IL1RAPL1: variants seen among roughly 807,000 people sequenced by gnomAD.
IL1RAPL1 encodes interleukin 1 receptor accessory protein like 1.
In IL1RAPL1, 3 loss-of-function variants were observed where a neutral mutation model predicts 48.4. The ratio of observed to expected loss-of-function variants is 0.06; its 90% CI spans 0.03 to 0.16. IL1RAPL1 has a LOEUF of 0.16. Among genes scored for constraint, IL1RAPL1 ranks in the 10% least tolerant of loss-of-function variants. The pLI is 1.00. For synonymous variants in IL1RAPL1, 185 were observed against 187.7 expected (o/e 0.99, Z 0.12); for missense variants, 349 against 530.6 (o/e 0.66, Z 3.36).
At chrX:28,763,610 A>G (rs1936201139) in intron 1 of IL1RAPL1, among the ~76,000 whole-genome samples, 1 of 111,244 alleles carries the variant, frequency 9.0e-6, no homozygotes, top group African/African-American at 3.3e-5. Context: ...AACTAGTTGA[A>G]TAGCTCAGCC....
Position 29,917,453 on chromosome X carries a change from T to C in IL1RAPL1, c.779-11T>C, listed in dbSNP as rs748396756. On this transcript the variant is annotated splice_polypyrimidine_tract_variant and intron_variant, in intron 6 of 10. Coordinates refer to ENST00000378993, the MANE Select transcript of IL1RAPL1 (RefSeq NM_014271.4). Reference sequence around the variant, plus strand: ...AGTTTTATAACACTTTTCCATCACTTCTCTCTGCAGGTGACTCTGCTAATC... The same window carrying C: ...AGTTTTATAACACTTTTCCATCACTCCTCTCTGCAGGTGACTCTGCTAATC... The C allele has an allele frequency of 1.7e-6, 2 of 1,207,916 alleles. No homozygotes were observed. The highest frequency in any genetic ancestry group is 5.9e-5 in the East Asian group (2 of 33,770).
chrX:29,221,837 C>T (rs1334203413), intron 2 of IL1RAPL1, among the ~76,000 whole-genome samples: 2 of 109,454 alleles, frequency 1.8e-5, no homozygotes, highest in East Asian at 5.8e-4. Flanking sequence ...ATGGTGAAAT[C>T]CCATCTCTAC....
At chrX:29,106,525 G>A (rs1471176122) in intron 2 of IL1RAPL1, among the ~76,000 whole-genome samples, 1 of 111,535 alleles carries the variant, frequency 9.0e-6, no homozygotes, top group Non-Finnish European at 1.9e-5. Flanking sequence ...TTCTTGACTT[G>A]TGAGAAAAAT....
intron 6 of IL1RAPL1, among the ~76,000 whole-genome samples, chrX:29,860,747 T>G (rs1276637954): frequency 8.9e-6 from 1 of 112,325 alleles, no homozygotes; most frequent in African/African-American, 3.2e-5. Context: ...ATTTTCTTTA[T>G]CCAGTCTATC....
chrX:29,658,927 T>C (rs1156384635), intron 5 of IL1RAPL1, among the ~76,000 whole-genome samples: 2 of 112,347 alleles, frequency 1.8e-5, no homozygotes, highest in Non-Finnish European at 3.8e-5. Context: ...ATTCCTTCTA[T>C]CTAACTATAT....
At chrX:29,434,438 C>T (rs1009071414) in intron 5 of IL1RAPL1, among the ~76,000 whole-genome samples, 4 of 110,456 alleles carry the variant, frequency 3.6e-5, no homozygotes, top group African/African-American at 1.3e-4. Flanking sequence ...TCATTGCTCT[C>T]GTTCCAGTTA....
intron 6 of IL1RAPL1, among the ~76,000 whole-genome samples, chrX:29,886,170 G>C (rs904810959): frequency 8.9e-6 from 1 of 112,178 alleles, no homozygotes; most frequent in Non-Finnish European, 1.9e-5. Context: ...GTTAAGGTCA[G>C]TCGTAGATTT....
chrX:28,738,132 T>C (rs1314245274), intron 1 of IL1RAPL1, among the ~76,000 whole-genome samples: 3 of 110,977 alleles, frequency 2.7e-5, no homozygotes, highest in African/African-American at 9.9e-5. Flanking sequence ...TTTCTTTGCA[T>C]GTTTCCAAAT....
At chrX:29,779,529 T>C (rs1005667256) in intron 6 of IL1RAPL1, among the ~76,000 whole-genome samples, 7 of 111,067 alleles carry the variant, frequency 6.3e-5, no homozygotes, top group Non-Finnish European at 7.6e-5. Flanking sequence ...AAATAACCTG[T>C]ACACCCAACT....
At chrX:29,833,244 T>C (rs1371903228) in intron 6 of IL1RAPL1, among the ~76,000 whole-genome samples, 3 of 111,880 alleles carry the variant, frequency 2.7e-5, no homozygotes, top group Non-Finnish European at 5.6e-5. Flanking sequence ...CACATGCATG[T>C]ATGTAGTAGG....
intron 5 of IL1RAPL1, among the ~76,000 whole-genome samples, chrX:29,625,418 C>T (rs960037546): frequency 9.0e-6 from 1 of 111,675 alleles, no homozygotes; most frequent in Non-Finnish European, 1.9e-5. Flanking sequence ...AAAAATTATA[C>T]AATAACTTAA....
chrX:29,455,379 G>A (rs1229648547), intron 5 of IL1RAPL1, among the ~76,000 whole-genome samples: 1 of 111,917 alleles, frequency 8.9e-6, no homozygotes, highest in African/African-American at 3.2e-5. Context: ...TAAGCTTTAA[G>A]TGGTACTTGA....
intron 5 of IL1RAPL1, among the ~76,000 whole-genome samples, chrX:29,458,059 G>A (rs1196957911): frequency 8.9e-6 from 1 of 112,169 alleles, no homozygotes; most frequent in Non-Finnish European, 1.9e-5. Context: ...GGGATTACAG[G>A]CGTGAGCCAC....
intron 5 of IL1RAPL1, chrX:29,574,158 T>C (rs1922693787): frequency 9.1e-6 from 1 of 109,552 alleles, no homozygotes; most frequent in South Asian, 4.0e-4. Context: ...AAAGCAAACA[T>C]GTCCTATGTG....
At chrX:28,862,658 G>A (rs1921975021) in intron 2 of IL1RAPL1, among the ~76,000 whole-genome samples, 1 of 111,363 alleles carries the variant, frequency 9.0e-6, no homozygotes, top group African/African-American at 3.3e-5. Flanking sequence ...GCATTACTTT[G>A]CCCAAGCGCT....
At chrX:29,161,752 G>C (rs1389672591) in intron 2 of IL1RAPL1, among the ~76,000 whole-genome samples, 2 of 112,156 alleles carry the variant, frequency 1.8e-5, no homozygotes, top group African/African-American at 6.5e-5. Context: ...CTTTTACACT[G>C]TTGGTGGGAG....
chrX:28,953,938 C>G (rs968341239), intron 2 of IL1RAPL1, among the ~76,000 whole-genome samples: 33 of 111,348 alleles, frequency 3.0e-4, no homozygotes, highest in East Asian at 8.5e-4. Context: ...GAAAGTGACT[C>G]ATGAATCATT....
At chrX:29,059,657 C>T (rs770546792) in intron 2 of IL1RAPL1, among the ~76,000 whole-genome samples, 19 of 111,563 alleles carry the variant, frequency 1.7e-4, no homozygotes, top group Non-Finnish European at 3.2e-4. Context: ...AAGAATAATG[C>T]TGGGAAGTCT....
At chrX:29,229,178 A>G (rs971198725) in intron 2 of IL1RAPL1, among the ~76,000 whole-genome samples, 3 of 111,857 alleles carry the variant, frequency 2.7e-5, no homozygotes. Flanking sequence ...CAGTTAGCCT[A>G]CTGTTTCATT....
Sources: gnomAD v4.1 joint callset for allele counts (sites outside exome capture counted in the v4.1 genomes callset) on GRCh38, gnomAD v4.1.1 for gene constraint, MANE v1.5 for transcripts, NCBI Gene and HGNC (gene_info 2026-07-23, HGNC 2026-07-21) for gene names.